Variants in EMCN observed in about 807,000 individuals in gnomAD.
The protein encoded by EMCN is endomucin, also known as MUC-14.
In EMCN, 37 loss-of-function variants were observed where a neutral mutation model predicts 38.4. The ratio of observed to expected loss-of-function variants is 0.96; its 90% CI spans 0.74 to 1.27. The LOEUF (loss-of-function observed/expected upper bound fraction) is 1.27. Among genes scored for constraint, EMCN ranks in the 50% most tolerant of loss-of-function variants. EMCN has a pLI of 0.00. For missense variants in EMCN, 318 were observed against 302.8 expected (o/e 1.05, Z -0.37); for synonymous variants, 95 against 100.8 (o/e 0.94, Z 0.35).
chr4:100,483,611 G>A (rs925143014), intron 1 of EMCN, among the ~76,000 whole-genome samples: 1 of 151,900 alleles, frequency 6.6e-6, no homozygotes, highest in Non-Finnish European at 1.5e-5. Context: ...ATTTCCCACT[G>A]GATAACACTA....
At position 100,418,577 on chromosome 4, in the gene EMCN, ACT is replaced by A. The variant is rs1726801636; in HGVS notation, c.665-1438_665-1437del. ...CCCAGCTTCTGGTAGCCATCCTTCT[ACT>A]CTCTAGCTCCATGAGTTCAATTGTT... On this transcript the variant is annotated intron_variant, in intron 8 of 11. Coordinates refer to ENST00000296420, the MANE Select transcript of EMCN (RefSeq NM_016242.4). Among the ~76,000 whole-genome samples the A allele has an allele frequency of 4.6e-5, 7 of 151,826 alleles. No individual in the cohort carries two copies. The South Asian group carries it at 1.5e-3, about 32-fold the overall frequency.
intron 10 of EMCN, among the ~76,000 whole-genome samples, chr4:100,411,232 T>C (rs1726543499): frequency 6.6e-6 from 1 of 152,176 alleles, no homozygotes; most frequent in Non-Finnish European, 1.5e-5. Context: ...GCTCCTTCGA[T>C]TCTATGCTCT....
intron 1 of EMCN, among the ~76,000 whole-genome samples, chr4:100,509,525 G>A (rs1345843390): frequency 6.6e-6 from 1 of 152,130 alleles, no homozygotes; most frequent in African/African-American, 2.4e-5. Flanking sequence ...ATGTAGGAGT[G>A]GCCTTTGTAT....
At chr4:100,459,400 C>T (rs1429814322) in intron 4 of EMCN, among the ~76,000 whole-genome samples, 8 of 151,974 alleles carry the variant, frequency 5.3e-5, no homozygotes, top group African/African-American at 1.7e-4. Context: ...ATCTCACATA[C>T]TTATTAGTTT....
At chr4:100,404,825 A>T (rs1726349449) in intron 11 of EMCN, among the ~76,000 whole-genome samples, 2 of 152,058 alleles carry the variant, frequency 1.3e-5, no homozygotes, top group Non-Finnish European at 2.9e-5. Context: ...TTTTAACAAT[A>T]TTGATTCTTC....
chr4:100,461,220 T>C (rs571412107), intron 4 of EMCN, among the ~76,000 whole-genome samples: 1 of 152,318 alleles, frequency 6.6e-6, no homozygotes, highest in South Asian at 2.1e-4. Context: ...ATATGTTCAC[T>C]TCTTGACTTT....
intron 3 of EMCN, among the ~76,000 whole-genome samples, chr4:100,465,883 C>T (rs1728302760): frequency 6.6e-6 from 1 of 152,016 alleles, no homozygotes; most frequent in Admixed American, 6.6e-5. Flanking sequence ...TAGGAGAGAA[C>T]AATGACCTGA....
At chr4:100,479,318 T>G (rs1202658876) in intron 2 of EMCN, among the ~76,000 whole-genome samples, 1 of 152,164 alleles carries the variant, frequency 6.6e-6, no homozygotes, top group African/African-American at 2.4e-5. Flanking sequence ...ATTTTTTGTG[T>G]GTTGCAAGAT....
At chr4:100,486,972 T>G in intron 1 of EMCN, 1 of 985,250 alleles carries the variant, frequency 1.0e-6, no homozygotes, top group Non-Finnish European at 1.2e-6. Context: ...ATTGTGGACT[T>G]TAGTATAAGG....
intron 1 of EMCN, among the ~76,000 whole-genome samples, chr4:100,512,104 G>A (rs750892104): frequency 1.1e-4 from 17 of 152,188 alleles, no homozygotes; most frequent in Non-Finnish European, 1.6e-4. Flanking sequence ...CCCGTGCGTA[G>A]CTGGTTGCCA....
At chr4:100,406,360 G>A (rs1434927925) in intron 11 of EMCN, among the ~76,000 whole-genome samples, 1 of 152,062 alleles carries the variant, frequency 6.6e-6, no homozygotes, top group Admixed American at 6.6e-5. Flanking sequence ...ATTTTTTGAT[G>A]TGGGCATTTA....
chr4:100,441,268 T>C (rs989507646), intron 5 of EMCN, among the ~76,000 whole-genome samples: 1 of 152,192 alleles, frequency 6.6e-6, no homozygotes, highest in African/African-American at 2.4e-5. Context: ...ATAATGACAT[T>C]CTTTGTCTCT....
At chr4:100,431,019 C>A (rs1727181262) in intron 5 of EMCN, among the ~76,000 whole-genome samples, 1 of 152,076 alleles carries the variant, frequency 6.6e-6, no homozygotes, top group Non-Finnish European at 1.5e-5. Flanking sequence ...TCATGTTTCA[C>A]TTTATATAAG....
At chr4:100,481,791 T>A (rs1728811620) in intron 1 of EMCN, among the ~76,000 whole-genome samples, 1 of 152,104 alleles carries the variant, frequency 6.6e-6, no homozygotes, top group South Asian at 2.1e-4. Flanking sequence ...ATGGACTTCC[T>A]AAATAGTAAC....
rs552641465 is a variant in EMCN, at chr4:100,513,065, C to T, written c.64+4786G>A. Among the ~76,000 whole-genome samples the T allele has an allele frequency of 2.6e-5, 4 of 152,128 alleles. No homozygotes were observed. The South Asian group carries it at 8.3e-4, about 32-fold the overall frequency. On this transcript the variant is annotated intron_variant, in intron 1 of 11. Coordinates refer to ENST00000296420, the MANE Select transcript of EMCN (RefSeq NM_016242.4). ...GAAACCCTTAAATATTCATTTTTTT[C>T]TTAGTTGTCTGGATAACTACAATTT...
At chr4:100,467,578 A>T (rs998842597) in intron 3 of EMCN, among the ~76,000 whole-genome samples, 2 of 148,358 alleles carry the variant, frequency 1.3e-5, no homozygotes, top group Non-Finnish European at 3.0e-5. Flanking sequence ...GCTACTCGGG[A>T]GGCTGAGGCA....
chr4:100,487,570 A>C (rs1430409382), intron 1 of EMCN, among the ~76,000 whole-genome samples: 1 of 152,158 alleles, frequency 6.6e-6, no homozygotes, highest in Non-Finnish European at 1.5e-5. Flanking sequence ...CATAATCCCC[A>C]TGTGTCAAGG....
At chr4:100,427,023 T>C (rs187334596) in intron 5 of EMCN, among the ~76,000 whole-genome samples, 1 of 152,194 alleles carries the variant, frequency 6.6e-6, no homozygotes, top group East Asian at 1.9e-4. Context: ...AAAAGAAATC[T>C]TGGGCAGGGC....
chr4:100,408,903 A>G (rs560518789), intron 11 of EMCN, among the ~76,000 whole-genome samples: 1 of 152,312 alleles, frequency 6.6e-6, no homozygotes, highest in Admixed American at 6.5e-5. Context: ...CCTCTTTTCC[A>G]TAGGGCACTG....
Sources: allele counts gnomAD v4.1 joint callset (sites outside exome capture counted in the v4.1 genomes callset), GRCh38; gene constraint gnomAD v4.1.1; transcripts MANE v1.5; gene names NCBI Gene and HGNC (gene_info 2026-07-23, HGNC 2026-07-21).